Variants in FGF18 observed in about 807,000 individuals in gnomAD.
The protein encoded by FGF18 is fibroblast growth factor 18.
FGF18 carries 5 observed loss-of-function variants against 23.0 expected under a neutral mutation model. The observed-to-expected ratio is 0.22, with a 90% CI of 0.11 to 0.46. The LOEUF (loss-of-function observed/expected upper bound fraction) is 0.46. Among genes scored for constraint, FGF18 ranks in the 20% least tolerant of loss-of-function variants. FGF18 has a pLI of 0.99. For missense variants in FGF18, 180 were observed against 291.6 expected (o/e 0.62, Z 2.79); for synonymous variants, 117 against 118.9 (o/e 0.98, Z 0.10).
intron 2 of FGF18, among the ~76,000 whole-genome samples, chr5:171,424,837 C>T (rs1029874404): frequency 2.7e-5 from 4 of 150,712 alleles, no homozygotes; most frequent in African/African-American, 9.8e-5. Context: ...CCAGCCTATC[C>T]CCAGCAGAGG....
chr5:171,427,529 C>G (rs1201439746), intron 2 of FGF18, among the ~76,000 whole-genome samples: 1 of 152,200 alleles, frequency 6.6e-6, no homozygotes, highest in African/African-American at 2.4e-5. Flanking sequence ...AGGCCCTTAA[C>G]CTCTCTGAGT....
At chr5:171,439,045 C>T (rs1335530797) in intron 3 of FGF18, among the ~76,000 whole-genome samples, 1 of 152,172 alleles carries the variant, frequency 6.6e-6, no homozygotes, top group African/African-American at 2.4e-5. Context: ...ATGGATACAT[C>T]CCCGTAAACA....
At chr5:171,447,741 T>C (rs1772439593) in intron 3 of FGF18, among the ~76,000 whole-genome samples, 1 of 152,124 alleles carries the variant, frequency 6.6e-6, no homozygotes, top group Non-Finnish European at 1.5e-5. Flanking sequence ...ATACCTAGTG[T>C]ATTTTAGGGG....
rs78834036 is a variant in FGF18, at chr5:171,431,131, G to T, written c.70-4962G>T. Among the ~76,000 whole-genome samples, 1,408 of 152,302 alleles carry T rather than the reference G, an allele frequency of 9.2e-3. 20 individuals are homozygous for T. The highest frequency in any genetic ancestry group is 0.032 in the African/African-American group (1,318 of 41,568). On this transcript the variant is annotated intron_variant, in intron 2 of 4. Coordinates refer to ENST00000274625, the MANE Select transcript of FGF18 (RefSeq NM_003862.3). ...GGGCTGGAGAGGCTAAAATCTTCAA[G>T]CCAGAGGGAGTGATGGAGGCTGCTG...
intron 2 of FGF18, among the ~76,000 whole-genome samples, chr5:171,430,787 TCC>T (rs1772169754): frequency 9.4e-6 from 1 of 106,468 alleles, no homozygotes; most frequent in Non-Finnish European, 1.8e-5. Flanking sequence ...AGAGCAAGAC[TCC>T]GTCTCAAAAA....
At chr5:171,446,650 C>T (rs921752401) in intron 3 of FGF18, among the ~76,000 whole-genome samples, 1 of 152,150 alleles carries the variant, frequency 6.6e-6, no homozygotes, top group Middle Eastern at 3.2e-3. Flanking sequence ...GCTTTACCTA[C>T]TTCCTGCATC....
chr5:171,426,166 G>C (rs1772085695), intron 2 of FGF18, among the ~76,000 whole-genome samples: 1 of 152,132 alleles, frequency 6.6e-6, no homozygotes, highest in Non-Finnish European at 1.5e-5. Flanking sequence ...GTTGTGGAGG[G>C]ACAGTGCATC....
Position 171,456,953 on chromosome 5 carries a change from T to A in FGF18, c.*148T>A. On this transcript the variant is annotated 3_prime_UTR_variant, in exon 5 of 5. Transcript: ENST00000274625. This position sits in a 1 kb window ranked among gnomAD's most constrained non-coding sequence, Gnocchi z 6.1. ...AAGAAGACAAAAACTGAACCAAAAC[T>A]CTTGGGGGGAGGGGTGATAAGGATT... The A allele has an allele frequency of 9.9e-7, 1 of 1,006,232 alleles. No homozygotes were observed. The highest frequency in any genetic ancestry group is 1.4e-6 in the Non-Finnish European group (1 of 708,726). 62.3% of individuals were successfully genotyped at this position (1,006,232 alleles called of 1,614,324 possible).
chr5:171,456,408 C>T lies in FGF18; in HGVS notation c.358-131C>T, dbSNP rs76588099. On this transcript the variant is annotated intron_variant, in intron 4 of 4. Coordinates refer to ENST00000274625, the MANE Select transcript of FGF18 (RefSeq NM_003862.3). The surrounding 1 kb of genome is among the most constrained non-coding windows in gnomAD (Gnocchi z 6.1). ...CAGAGTTAAGCTCAATCTCTCTCCC[C>T]CACTGCAAAACTTCATTACAGTTGT... The T allele has an allele frequency of 1.2e-6, 1 of 849,028 alleles. No homozygotes were observed. Among genetic ancestry groups the T allele is most frequent in the Admixed American group, 2.8e-5 (1 of 36,096 alleles). The allele number at this position is 849,028 out of a possible 1,614,324, so 52.6% of individuals were successfully genotyped here.
chr5:171,434,350 C>T lies in FGF18; in HGVS notation c.70-1743C>T, dbSNP rs6860855. Among the ~76,000 whole-genome samples, 181 of 152,296 alleles carry T rather than the reference C, an allele frequency of 1.2e-3. 2 individuals are homozygous for T. The highest frequency in any genetic ancestry group is 3.9e-3 in the African/African-American group (160 of 41,556). ...CATACCTGTGGGCCCAGTCCAGGAT[C>T]GGGAGATACATGCAGGTCAGCTTGG... is the stretch of plus-strand genomic sequence containing the variant. On this transcript the variant is annotated intron_variant, in intron 2 of 4. Coordinates refer to ENST00000274625, the MANE Select transcript of FGF18 (RefSeq NM_003862.3). This position sits in a 1 kb window ranked among gnomAD's most constrained non-coding sequence, Gnocchi z 4.6.
intron 2 of FGF18, among the ~76,000 whole-genome samples, chr5:171,431,990 A>G (rs1285192385): frequency 6.6e-6 from 1 of 152,160 alleles, no homozygotes; most frequent in Non-Finnish European, 1.5e-5. Flanking sequence ...CGGAGGTTGC[A>G]GTGAGCCGAG....
In FGF18 at chr5:171,423,711, G is replaced by A. The variant is rs145229591; in HGVS notation, c.69+3268G>A. ...CTTTCTTTAAGCTGGTTAGGATGGGGAAGCTGGAGACAGTGTCCTTTGGTG... is the reference window on the plus strand; with the variant it reads ...CTTTCTTTAAGCTGGTTAGGATGGGAAAGCTGGAGACAGTGTCCTTTGGTG... On this transcript the variant is annotated intron_variant, in intron 2 of 4. Transcript: ENST00000274625. Among the ~76,000 whole-genome samples, 652 of 151,886 alleles carry A rather than the reference G, an allele frequency of 4.3e-3. 2 individuals are homozygous for A. Among genetic ancestry groups the A allele is most frequent in the African/African-American group, 0.015 (627 of 41,432 alleles).
rs982875646 is a variant in FGF18, at chr5:171,440,225, T to G, written c.250+3952T>G. Among the ~76,000 whole-genome samples the G allele has an allele frequency of 6.6e-5, 10 of 150,788 alleles. No individual in the cohort carries two copies. The highest frequency in any genetic ancestry group is 9.8e-5 in the African/African-American group (4 of 41,010). ...ACCTGACCTCCTTACTATGGGTGTG[T>G]GGGGGGGGGTGGTGCCATCGCGGGC... On this transcript the variant is annotated intron_variant, in intron 3 of 4. Coordinates refer to ENST00000274625, the MANE Select transcript of FGF18 (RefSeq NM_003862.3). This position sits in a 1 kb window ranked among gnomAD's most constrained non-coding sequence, Gnocchi z 4.0.
chr5:171,441,962 A>T (rs2113351341), intron 3 of FGF18, among the ~76,000 whole-genome samples: 1 of 152,156 alleles, frequency 6.6e-6, no homozygotes, highest in East Asian at 1.9e-4. Flanking sequence ...TGCACTGTGC[A>T]GTGGGGATAG....
intron 2 of FGF18, among the ~76,000 whole-genome samples, chr5:171,420,719 G>C (rs1204066171): frequency 1.3e-5 from 2 of 152,228 alleles, no homozygotes; most frequent in Non-Finnish European, 2.9e-5. Flanking sequence ...GAGCCGGCGG[G>C]CTCAGCCGCA....
chr5:171,446,287 G>A (rs1772418312), intron 3 of FGF18, among the ~76,000 whole-genome samples: 1 of 152,112 alleles, frequency 6.6e-6, no homozygotes, highest in South Asian at 2.1e-4. Context: ...GGACAGCTCA[G>A]GCAAAGGCCA....
At chr5:171,421,977 T>G (rs4597987) in intron 2 of FGF18, among the ~76,000 whole-genome samples, 66 of 152,048 alleles carry the variant, frequency 4.3e-4, no homozygotes, top group African/African-American at 1.5e-3. Flanking sequence ...GGGCAGGCCC[T>G]GGGGTCACTC....
chr5:171,433,096 GCCAGAGGCCA>G (rs1438312654), intron 2 of FGF18, among the ~76,000 whole-genome samples: 2 of 152,186 alleles, frequency 1.3e-5, no homozygotes, highest in African/African-American at 2.4e-5. Flanking sequence ...TTGTTTCCGA[GCCAGAGGCCA>G]CCAGAGGCCA....
At chr5:171,431,521 T>C (rs6859249) in intron 2 of FGF18, among the ~76,000 whole-genome samples, 3,408 of 152,220 alleles carry the variant, frequency 0.022, 124 homozygotes, top group African/African-American at 0.077. Flanking sequence ...TGCCTCTGTG[T>C]AGTTGCTGCA....
Sources: gnomAD v4.1 joint callset for allele counts (sites outside exome capture counted in the v4.1 genomes callset) on GRCh38, gnomAD v4.1.1 for gene constraint, Gnocchi (gnomAD v3.1) non-coding constraint, MANE v1.5 for transcripts, NCBI Gene and HGNC (gene_info 2026-07-23, HGNC 2026-07-21) for gene names.